MEI1: variants seen among roughly 807,000 people sequenced by gnomAD.
MEI1 encodes the protein meiosis inhibitor protein 1.
A neutral mutation model predicts 146.2 loss-of-function variants in MEI1; 103 were observed. The observed-to-expected ratio is 0.70, with a 90% CI of 0.60 to 0.83. The LOEUF is 0.83. Ranked by LOEUF, MEI1 falls within the 40% of genes least tolerant of loss-of-function variation. The probability of loss-of-function intolerance (pLI) is 0.00; values close to 1 mark genes in which losing one functional copy is unlikely to be tolerated. For synonymous variants in MEI1, 652 were observed against 628.2 expected (o/e 1.04, Z -0.57); for missense variants, 1,529 against 1,533.0 (o/e 1.00, Z 0.04).
chr22:41,740,261 G>A (rs898230331), intron 11 of MEI1, among the ~76,000 whole-genome samples: 10 of 152,116 alleles, frequency 6.6e-5, no homozygotes, highest in African/African-American at 2.4e-4. Context: ...CTTGTGATCT[G>A]CCTGCCTCAG....
intron 11 of MEI1, among the ~76,000 whole-genome samples, chr22:41,742,624 A>T (rs1181279118): frequency 6.6e-6 from 1 of 152,230 alleles, no homozygotes; most frequent in East Asian, 1.9e-4. Flanking sequence ...CAAGGAATGT[A>T]CAAGAAGTTG....
intron 11 of MEI1, among the ~76,000 whole-genome samples, chr22:41,732,960 T>C (rs1328472284): frequency 2.0e-5 from 3 of 151,736 alleles, no homozygotes; most frequent in African/African-American, 7.3e-5. Context: ...TTTGTATTAT[T>C]ATTAGAGGCG....
intron 23 of MEI1, 22 bp from the exon 24 acceptor site, chr22:41,781,663 C>T (rs1277905977): frequency 6.2e-7 from 1 of 1,609,568 alleles, no homozygotes; most frequent in Non-Finnish European, 8.5e-7. Flanking sequence ...CCTGTGGGCC[C>T]TGCCTTGCCC....
At position 41,757,831 on chromosome 22, in the gene MEI1, CAT is replaced by C. The variant is rs572107575; in HGVS notation, c.1952-531_1952-530del. On this transcript the variant is annotated intron_variant, in intron 17 of 30. Transcript: ENST00000401548. ...TCCTGAGTAGTAGCCACTCAATGAA[CAT>C]ATGTCAAATGAATGAAAGAATGAAT... Among the ~76,000 whole-genome samples the C allele has an allele frequency of 2.1e-4, 32 of 152,260 alleles. No homozygotes were observed. In the South Asian group the frequency reaches 6.6e-3, roughly 32 times the overall value.
intron 21 of MEI1, among the ~76,000 whole-genome samples, 158 bp downstream of exon 21, chr22:41,776,425 C>G (rs1341470257): frequency 6.6e-6 from 1 of 152,266 alleles, no homozygotes; most frequent in Non-Finnish European, 1.5e-5. Context: ...CACCTCCTTT[C>G]TCTCACTGCA....
In MEI1 at chr22:41,737,356, T is replaced by C. The variant is rs563733572; in HGVS notation, c.1331+4753T>C. ...GATTCACGCCATTCTCCTGCCTCAG[T>C]CTCCTGAGTAGCTGGGACTACAGGC... On this transcript the variant is annotated intron_variant, in intron 11 of 30. Transcript: ENST00000401548. Among the ~76,000 whole-genome samples the C allele has an allele frequency of 9.0e-4, 135 of 150,642 alleles. 1 individual carries two copies. Among genetic ancestry groups the C allele is most frequent in the African/African-American group, 3.2e-3 (132 of 40,952 alleles).
chr22:41,764,092 C>T (rs2074689714), intron 19 of MEI1, among the ~76,000 whole-genome samples: 1 of 152,040 alleles, frequency 6.6e-6, no homozygotes. Flanking sequence ...TCCTGAATAG[C>T]TGGGACTACT....
intron 20 of MEI1, among the ~76,000 whole-genome samples, chr22:41,772,599 G>A (rs1487678507): frequency 6.6e-6 from 1 of 152,154 alleles, no homozygotes; most frequent in Non-Finnish European, 1.5e-5. Flanking sequence ...TGGGATTATA[G>A]GCATAAACGA....
chr22:41,720,830 G>A (rs1212376390), intron 6 of MEI1, among the ~76,000 whole-genome samples: 2 of 149,900 alleles, frequency 1.3e-5, no homozygotes, highest in Non-Finnish European at 3.0e-5. Context: ...GGAGTGGAGT[G>A]GCGTGATCTC....
At chr22:41,773,082 G>A (rs1023164407) in intron 20 of MEI1, among the ~76,000 whole-genome samples, 1 of 152,182 alleles carries the variant, frequency 6.6e-6, no homozygotes, top group African/African-American at 2.4e-5. Flanking sequence ...CAAATACTTA[G>A]AGTCTACATC....
intron 8 of MEI1, among the ~76,000 whole-genome samples, chr22:41,730,225 C>T (rs1355529077): frequency 6.6e-6 from 1 of 152,190 alleles, no homozygotes; most frequent in East Asian, 1.9e-4. Flanking sequence ...CCTTCATCCA[C>T]GCCACTGCCC....
intron 19 of MEI1, among the ~76,000 whole-genome samples, chr22:41,768,623 C>A (rs1002300899): frequency 6.6e-6 from 1 of 152,136 alleles, no homozygotes; most frequent in Non-Finnish European, 1.5e-5. Context: ...AGGAATCTTA[C>A]AGTCATGGCA....
rs749285153 is a variant in MEI1 at position 41,745,026 on chromosome 22, C to T, written c.1500C>T (p.Phe500=). ...AGGCCATTCTTCAAAGGGGAAAGTT[C>T]CTCCTCAGCACTCTGGAGGGATTTA... ...SEKAILQRGK[F]LLSTLEGFRS... Residue 500 remains phenylalanine (F), a synonymous_variant, in exon 13 of 31, where the codon TTC becomes TTT. Coordinates refer to ENST00000401548, the MANE Select transcript of MEI1 (RefSeq NM_152513.4). 1.9e-6 allele frequency: 3 copies of T among 1,566,046 alleles called. No homozygotes were observed. The highest frequency in any genetic ancestry group is 2.3e-5 in the East Asian group (1 of 42,568).
At chr22:41,788,174 T>A (rs1429969003) in intron 26 of MEI1, among the ~76,000 whole-genome samples, 2 of 151,926 alleles carry the variant, frequency 1.3e-5, no homozygotes, top group Non-Finnish European at 2.9e-5. Context: ...GGACTACAGG[T>A]ACGCACCACA....
intron 18 of MEI1, 148 bp from the exon 19 acceptor site, chr22:41,763,026 A>G: frequency 1.2e-5 from 9 of 780,316 alleles, no homozygotes; most frequent in African/African-American, 1.7e-5. Context: ...GTAAGTATGT[A>G]TAGCACACTG....
At chr22:41,724,138 C>A in intron 7 of MEI1, 65 bp downstream of exon 7, 4 of 1,578,306 alleles carry the variant, frequency 2.5e-6, no homozygotes, top group South Asian at 2.3e-5. Flanking sequence ...CTTCTTGGGC[C>A]TTGTCTTCAT....
At position 41,699,546 on chromosome 22, in the gene MEI1, T is replaced by G. The variant is rs759497715; in HGVS notation, c.8T>G (p.Val3Gly). The G allele has an allele frequency of 5.0e-6, 8 of 1,611,298 alleles. No individual in the cohort carries two copies. Among genetic ancestry groups the G allele is most frequent in the East Asian group, 2.2e-5 (1 of 44,806 alleles). Residue 3 changes from valine (V) to glycine (G), a missense_variant, in exon 1 of 31, where the codon GTG becomes GGG. By Grantham distance (109) the Val-to-Gly change is moderately radical. Coordinates refer to ENST00000401548, the MANE Select transcript of MEI1 (RefSeq NM_152513.4). ...CTGAGGGCAAGCGAGGAGATGGCTGTGAGGCAGGCGGCGACGGCGGGCACT... is the reference window on the plus strand; with the variant it reads ...CTGAGGGCAAGCGAGGAGATGGCTGGGAGGCAGGCGGCGACGGCGGGCACT... MAVRQAATAGTPG... is the reference protein window; with the variant it reads MAGRQAATAGTPG...
chr22:41,750,820 T>C (rs1275288044), intron 15 of MEI1, among the ~76,000 whole-genome samples: 2 of 152,186 alleles, frequency 1.3e-5, no homozygotes, highest in Non-Finnish European at 2.9e-5. Context: ...AGATGATGCA[T>C]ATAGATTTCC....
intron 15 of MEI1, among the ~76,000 whole-genome samples, chr22:41,751,788 AAG>A (rs1491507582): frequency 3.5e-5 from 5 of 144,636 alleles, no homozygotes; most frequent in Admixed American, 7.0e-5. Context: ...AAAAAAAAAA[AAG>A]GCCAGGCGCA....
Sources: allele counts gnomAD v4.1 joint callset (sites outside exome capture counted in the v4.1 genomes callset), GRCh38; gene constraint gnomAD v4.1.1; transcripts MANE v1.5; gene names NCBI Gene and HGNC (gene_info 2026-07-23, HGNC 2026-07-21).